UTRN: variants seen among roughly 807,000 people sequenced by gnomAD.
UTRN encodes utrophin, also known as dystrophin-related protein 1.
Under a neutral mutation model 463.9 loss-of-function variants are expected in UTRN, and 283 were observed. The ratio of observed to expected loss-of-function variants is 0.61; its 90% CI spans 0.55 to 0.67. The LOEUF (loss-of-function observed/expected upper bound fraction) is 0.67. Among genes scored for constraint, UTRN ranks in the 30% least tolerant of loss-of-function variants. The pLI is 0.00. For missense variants in UTRN, 3,922 were observed against 4,084.3 expected (o/e 0.96, Z 1.08); for synonymous variants, 1,442 against 1,431.5 (o/e 1.01, Z -0.17).
At chr6:144,593,266 A>G (rs1803301851) in intron 51 of UTRN, among the ~76,000 whole-genome samples, 1 of 152,068 alleles carries the variant, frequency 6.6e-6, no homozygotes, top group Non-Finnish European at 1.5e-5. Context: ...AGAAAAGTAC[A>G]CTCCACAGAG....
At chr6:144,834,758 A>T (rs1474887984) in intron 69 of UTRN, among the ~76,000 whole-genome samples, 2 of 152,262 alleles carry the variant, frequency 1.3e-5, no homozygotes, top group African/African-American at 4.8e-5. Flanking sequence ...GTAACAGAAG[A>T]AGTCTCTAAG....
At chr6:144,659,237 G>GGGGC (rs1289103470) in intron 51 of UTRN, among the ~76,000 whole-genome samples, 2 of 152,128 alleles carry the variant, frequency 1.3e-5, no homozygotes, top group African/African-American at 4.8e-5. Flanking sequence ...ACTGACTTTT[G>GGGGC]GGGCAGGCAG....
intron 51 of UTRN, among the ~76,000 whole-genome samples, chr6:144,627,006 A>T (rs1776012047): frequency 6.6e-6 from 1 of 152,190 alleles, no homozygotes; most frequent in African/African-American, 2.4e-5. Flanking sequence ...ATCATTGAGA[A>T]ATAAGATTTG....
At chr6:144,581,058 G>C (rs1040142306) in intron 51 of UTRN, among the ~76,000 whole-genome samples, 1 of 152,206 alleles carries the variant, frequency 6.6e-6, no homozygotes, top group South Asian at 2.1e-4. Context: ...GCAAGTTAGC[G>C]GGAAATGTGT....
At chr6:144,727,145 C>A (rs1251806118) in intron 53 of UTRN, among the ~76,000 whole-genome samples, 1 of 152,114 alleles carries the variant, frequency 6.6e-6, no homozygotes, top group Non-Finnish European at 1.5e-5. Flanking sequence ...AATATATGCC[C>A]CGTAATAGTT....
Position 144,426,279 on chromosome 6 carries a change from T to C in UTRN, c.406-8T>C, listed in dbSNP as rs1191299636. 1 of 1,610,610 alleles carries C rather than the reference T, an allele frequency of 6.2e-7. No individual in the cohort carries two copies. The highest frequency in any genetic ancestry group is 8.5e-7 in the Non-Finnish European group (1 of 1,178,270). Reference sequence around the variant, plus strand: ...TAGTTATGGACAGGCCTGGTTTCTCTTACATAGGTGAAAGATGTCATGAAG... The same window carrying C: ...TAGTTATGGACAGGCCTGGTTTCTCCTACATAGGTGAAAGATGTCATGAAG... On this transcript the variant is annotated splice_region_variant and splice_polypyrimidine_tract_variant and intron_variant, in intron 6 of 74. Coordinates refer to ENST00000367545, the MANE Select transcript of UTRN (RefSeq NM_007124.3).
chr6:144,519,437 T>C (rs1318562769), intron 39 of UTRN, among the ~76,000 whole-genome samples: 1 of 152,190 alleles, frequency 6.6e-6, no homozygotes, highest in Non-Finnish European at 1.5e-5. Context: ...CTTAAAAATC[T>C]CTTTAATCTT....
At chr6:144,430,254 G>A (rs1785678234) in intron 9 of UTRN, among the ~76,000 whole-genome samples, 1 of 151,934 alleles carries the variant, frequency 6.6e-6, no homozygotes, top group South Asian at 2.1e-4. Flanking sequence ...TTTCATGAAG[G>A]GATTACGATG....
chr6:144,291,702 T>G (rs1002685513), intron 1 of UTRN, 35 bp from the exon 2 acceptor site: 1 of 641,432 alleles, frequency 1.6e-6, no homozygotes, highest in Non-Finnish European at 2.5e-6. Flanking sequence ...TATAAATACA[T>G]TTTTTCAAGT....
chr6:144,781,836 A>G, intron 60 of UTRN, 86 bp from the exon 61 acceptor site: 1 of 969,316 alleles, frequency 1.0e-6, no homozygotes, highest in Non-Finnish European at 1.5e-6. Context: ...TAAATACTTG[A>G]GACTAGAAAT....
At chr6:144,789,862 A>G (rs1776612797) in intron 62 of UTRN, among the ~76,000 whole-genome samples, 1 of 152,224 alleles carries the variant, frequency 6.6e-6, no homozygotes, top group South Asian at 2.1e-4. Flanking sequence ...AAATAAATCA[A>G]CAGTGTTCCT....
intron 23 of UTRN, among the ~76,000 whole-genome samples, chr6:144,463,336 T>C (rs1243511035): frequency 6.6e-6 from 1 of 152,142 alleles, no homozygotes; most frequent in Non-Finnish European, 1.5e-5. Flanking sequence ...TCCAGGGACA[T>C]GAAAATTCAG....
rs1414866544 is a variant in UTRN, at chr6:144,286,098, C to A, written c.-93+277C>A. ...CCTTGGGATCCGTACTAGTTGTGAA[C>A]GATCCAAACTTATCTGACCAGCTCT... On this transcript the variant is annotated intron_variant, in intron 1 of 74. Transcript: ENST00000367545. The surrounding 1 kb of genome is among the most constrained non-coding windows in gnomAD (Gnocchi z 4.4). Among the ~76,000 whole-genome samples, 10 of 152,196 alleles carry A rather than the reference C, an allele frequency of 6.6e-5. No individual in the cohort carries two copies.
In UTRN at chr6:144,453,882, A is replaced by AT. The variant is rs767042157; in HGVS notation, c.2284+20dup. 2.4e-5 allele frequency: 38 copies of AT among 1,607,194 alleles called. No homozygotes were observed. Among genetic ancestry groups the AT allele is most frequent in the Middle Eastern group, 3.3e-4 (2 of 6,060 alleles). ...CAAATGGGAAAAGGTAAGATCCTTG[A>AT]TTTTTTTCCCCTATATTTTTCAGAT... On this transcript the variant is annotated intron_variant, in intron 19 of 74. Coordinates refer to ENST00000367545, the MANE Select transcript of UTRN (RefSeq NM_007124.3).
chr6:144,838,602 G>A, intron 71 of UTRN, among the ~76,000 whole-genome samples: 1 of 152,162 alleles, frequency 6.6e-6, no homozygotes, highest in East Asian at 1.9e-4. Context: ...TTTAGAAATA[G>A]TCATTCTTCA....
At chr6:144,839,059 G>T (rs371260600) in intron 71 of UTRN, 114 bp from the exon 72 acceptor site, 115 of 715,868 alleles carry the variant, frequency 1.6e-4, no homozygotes, top group East Asian at 8.9e-4. Context: ...TGAAGGCAAA[G>T]ACTTCTATAT....
In UTRN at chr6:144,363,124, GAC is replaced by G. The variant is rs374003168; in HGVS notation, c.80-39993_80-39992del. On this transcript the variant is annotated intron_variant, in intron 2 of 74. Transcript: ENST00000367545. ...TAATGGTTATACATAATAATTGATG[GAC>G]ACACAATAGTATTTAAATCTAAAAA... Among the ~76,000 whole-genome samples, 422 of 152,122 alleles carry G rather than the reference GAC, an allele frequency of 2.8e-3. 3 individuals carry two copies. Among genetic ancestry groups the G allele is most frequent in the Middle Eastern group, 0.014 (4 of 294 alleles).
chr6:144,610,333 A>C (rs1302082355), intron 51 of UTRN, among the ~76,000 whole-genome samples: 1 of 152,120 alleles, frequency 6.6e-6, no homozygotes, highest in Non-Finnish European at 1.5e-5. Flanking sequence ...GAAATGAATA[A>C]ATTTCTAGAC....
intron 51 of UTRN, among the ~76,000 whole-genome samples, chr6:144,635,590 A>T (rs12662875): frequency 0.057 from 6,533 of 115,454 alleles, 710 homozygotes; most frequent in East Asian, 0.54. Context: ...CCCAGGCTGG[A>T]GTGCAGTGAC....
Sources: allele counts gnomAD v4.1 joint callset (sites outside exome capture counted in the v4.1 genomes callset), GRCh38; gene constraint gnomAD v4.1.1; non-coding constraint Gnocchi (gnomAD v3.1); transcripts MANE v1.5; gene names NCBI Gene and HGNC (gene_info 2026-07-23, HGNC 2026-07-21).